CSMD1: variants seen among roughly 807,000 people sequenced by gnomAD.
CSMD1 encodes CUB and sushi domain-containing protein 1.
CSMD1 carries 213 observed loss-of-function variants against 417.5 expected under a neutral mutation model. The ratio of observed to expected loss-of-function variants is 0.51; its 90% CI spans 0.46 to 0.57. The LOEUF is 0.57. CSMD1 is among the 20% of genes least tolerant of loss of function. The probability of loss-of-function intolerance (pLI) is 0.00; values close to 1 mark genes in which losing one functional copy is unlikely to be tolerated. For synonymous variants in CSMD1, 2,862 were observed against 1,736.8 expected (o/e 1.65, Z -16.11); for missense variants, 6,923 against 4,529.7 (o/e 1.53, Z -15.17).
intron 7 of CSMD1, among the ~76,000 whole-genome samples, chr8:3,698,633 G>A (rs1314230375): frequency 6.6e-6 from 1 of 152,144 alleles, no homozygotes; most frequent in Non-Finnish European, 1.5e-5. Flanking sequence ...CTAAAAGCAA[G>A]ACCTGATGAT....
intron 1 of CSMD1, among the ~76,000 whole-genome samples, chr8:4,947,732 TG>T: frequency 6.6e-6 from 1 of 152,252 alleles, no homozygotes; most frequent in Non-Finnish European, 1.5e-5. Flanking sequence ...TAGCTGAGTT[TG>T]CTTGCTTGAT....
intron 7 of CSMD1, among the ~76,000 whole-genome samples, chr8:3,648,806 C>T (rs1563232261): frequency 6.6e-6 from 1 of 152,140 alleles, no homozygotes; most frequent in African/African-American, 2.4e-5. Flanking sequence ...CGCGGCACCC[C>T]TCTCAGAACA....
intron 3 of CSMD1, among the ~76,000 whole-genome samples, chr8:4,264,796 G>C (rs1212190649): frequency 1.3e-5 from 2 of 152,136 alleles, no homozygotes; most frequent in Non-Finnish European, 2.9e-5. Flanking sequence ...ACTTGGACAA[G>C]TTAATTCTTC....
At chr8:2,988,368 T>C (rs1047549493) in intron 54 of CSMD1, among the ~76,000 whole-genome samples, 1 of 152,220 alleles carries the variant, frequency 6.6e-6, no homozygotes, top group South Asian at 2.1e-4. Context: ...GAAAAAACAA[T>C]ATCTTAATGT....
At chr8:3,536,823 T>C (rs557737319) in intron 10 of CSMD1, among the ~76,000 whole-genome samples, 8 of 152,310 alleles carry the variant, frequency 5.3e-5, no homozygotes, top group South Asian at 2.1e-4. Flanking sequence ...TGTGCCATCC[T>C]TGGGTGTTCG....
chr8:3,373,581 G>A (rs936248820), intron 18 of CSMD1: 1 of 152,158 alleles, frequency 6.6e-6, no homozygotes, highest in Non-Finnish European at 1.5e-5. Flanking sequence ...TGAAATACCT[G>A]AATTACATTT....
intron 1 of CSMD1, among the ~76,000 whole-genome samples, chr8:4,800,436 C>G (rs1287217641): frequency 1.8e-5 from 2 of 109,804 alleles, no homozygotes; most frequent in African/African-American, 3.5e-5. Context: ...AAGACTTCAT[C>G]TCAAAAAAAA....
chr8:4,207,704 T>G (rs1800063127), intron 3 of CSMD1, among the ~76,000 whole-genome samples: 1 of 152,126 alleles, frequency 6.6e-6, no homozygotes, highest in Admixed American at 6.5e-5. Flanking sequence ...GAAACATTTT[T>G]CTGATGAGTG....
At chr8:3,236,817 T>C (rs1234284849) in intron 26 of CSMD1, among the ~76,000 whole-genome samples, 4 of 152,160 alleles carry the variant, frequency 2.6e-5, no homozygotes, top group Non-Finnish European at 4.4e-5. Context: ...ACATTTTCAG[T>C]TGCATCCATC....
At chr8:4,750,099 G>A (rs1206398538) in intron 1 of CSMD1, among the ~76,000 whole-genome samples, 6 of 152,030 alleles carry the variant, frequency 3.9e-5, no homozygotes, top group South Asian at 2.1e-4. Context: ...TCCGCCTCCC[G>A]GGTTCACCCC....
At chr8:4,584,935 C>A (rs1370481401) in intron 2 of CSMD1, among the ~76,000 whole-genome samples, 1 of 152,030 alleles carries the variant, frequency 6.6e-6, no homozygotes, top group Admixed American at 6.6e-5. Context: ...AGGAGATCAG[C>A]CCCAGTCTAA....
intron 5 of CSMD1, among the ~76,000 whole-genome samples, chr8:3,892,979 T>A (rs920959117): frequency 2.7e-5 from 4 of 145,668 alleles, no homozygotes; most frequent in East Asian, 2.1e-4. Flanking sequence ...AAAAAAAAAA[T>A]ATGACATAAC....
intron 3 of CSMD1, among the ~76,000 whole-genome samples, chr8:4,171,794 A>T (rs957812946): frequency 6.6e-6 from 1 of 152,126 alleles, no homozygotes; most frequent in Admixed American, 6.5e-5. Context: ...TACTTGAGTA[A>T]CTTCATTCAT....
At chr8:4,376,557 A>G (rs1271139591) in intron 3 of CSMD1, among the ~76,000 whole-genome samples, 1 of 152,072 alleles carries the variant, frequency 6.6e-6, no homozygotes, top group Non-Finnish European at 1.5e-5. Context: ...TATCTCATAT[A>G]TTTGCCTGTT....
At chr8:3,362,803 C>T (rs1273500355) in intron 20 of CSMD1, among the ~76,000 whole-genome samples, 1 of 152,178 alleles carries the variant, frequency 6.6e-6, no homozygotes, top group South Asian at 2.1e-4. Flanking sequence ...ACCTTCACTT[C>T]CTGCCAATCA....
chr8:3,434,605 G>A (rs1814426611), intron 12 of CSMD1, among the ~76,000 whole-genome samples: 1 of 152,134 alleles, frequency 6.6e-6, no homozygotes, highest in Non-Finnish European at 1.5e-5. Context: ...CTAAAATCAT[G>A]AGGAAATCCC....
At chr8:3,178,135 A>G (rs1187690985) in intron 37 of CSMD1, among the ~76,000 whole-genome samples, 1 of 152,174 alleles carries the variant, frequency 6.6e-6, no homozygotes, top group African/African-American at 2.4e-5. Flanking sequence ...ACTGTAGATC[A>G]TATACATTAA....
rs149757630 is a variant in CSMD1, at chr8:3,826,347, G to C, written c.819-72305C>G. Among the ~76,000 whole-genome samples, 467 of 152,190 alleles carry C rather than the reference G, an allele frequency of 3.1e-3. 2 individuals are homozygous for C. The highest frequency in any genetic ancestry group is 0.011 in the African/African-American group (438 of 41,520). On this transcript the variant is annotated intron_variant, in intron 5 of 69. Coordinates refer to ENST00000635120, the MANE Select transcript of CSMD1 (RefSeq NM_033225.6). ...TGAAATGAGCTAAAAGAATGTTTGGGTTTGAAAATTGCCTCTGATGCAAAT... is the reference window on the plus strand; with the variant it reads ...TGAAATGAGCTAAAAGAATGTTTGGCTTTGAAAATTGCCTCTGATGCAAAT...
At chr8:4,519,961 T>G (rs1045253021) in intron 2 of CSMD1, among the ~76,000 whole-genome samples, 9 of 148,068 alleles carry the variant, frequency 6.1e-5, no homozygotes, top group Non-Finnish European at 1.4e-4. Context: ...GTGTGTGGTG[T>G]GTATACATTT....
Sources: allele counts gnomAD v4.1 joint callset (sites outside exome capture counted in the v4.1 genomes callset), GRCh38; gene constraint gnomAD v4.1.1; transcripts MANE v1.5; gene names NCBI Gene and HGNC (gene_info 2026-07-23, HGNC 2026-07-21).